Variants in DPP6 observed in about 807,000 individuals in gnomAD.
DPP6 encodes the protein dipeptidyl peptidase like 6, also known as A-type potassium channel modulatory protein DPP6.
DPP6 carries 69 observed loss-of-function variants against 122.6 expected under a neutral mutation model. The observed-to-expected ratio is 0.56, with a 90% CI of 0.46 to 0.69. The LOEUF (loss-of-function observed/expected upper bound fraction) is 0.69, where lower values mean the gene tolerates loss of function less well. Ranked by LOEUF, DPP6 falls within the 30% of genes least tolerant of loss-of-function variation. The probability of loss-of-function intolerance (pLI) is 0.00; values close to 1 mark genes in which losing one functional copy is unlikely to be tolerated. For synonymous variants in DPP6, 418 were observed against 433.1 expected (o/e 0.97, Z 0.43); for missense variants, 928 against 1,116.9 (o/e 0.83, Z 2.41).
intron 5 of DPP6, among the ~76,000 whole-genome samples, chr7:154,610,544 A>C (rs903008560): frequency 1.3e-5 from 2 of 152,178 alleles, no homozygotes; most frequent in African/African-American, 4.8e-5. Context: ...TATGTAGCTA[A>C]AAGTCTCTTT....
intron 3 of DPP6, among the ~76,000 whole-genome samples, chr7:154,528,237 C>T (rs1586548073): frequency 6.6e-6 from 1 of 152,122 alleles, no homozygotes; most frequent in East Asian, 1.9e-4. Context: ...CTTAGAACTC[C>T]CATTGAGCAT....
At chr7:154,512,957 T>A (rs994995) in intron 3 of DPP6, among the ~76,000 whole-genome samples, 143,746 of 152,260 alleles carry the variant, frequency 0.94, 67,945 homozygotes, top group East Asian at 1. Context: ...AAAAACCATC[T>A]TCAATTTTGT....
chr7:154,308,415 G>A (rs1324521253), intron 1 of DPP6, among the ~76,000 whole-genome samples: 1 of 152,178 alleles, frequency 6.6e-6, no homozygotes, highest in Non-Finnish European at 1.5e-5. Flanking sequence ...GCTTCTGGGA[G>A]ACTATTTCTC....
At chr7:154,565,182 G>A (rs1830666357) in intron 4 of DPP6, among the ~76,000 whole-genome samples, 3 of 152,236 alleles carry the variant, frequency 2.0e-5, no homozygotes, top group South Asian at 2.1e-4. Flanking sequence ...ATAAAACAAG[G>A]TTATCTATTG....
At chr7:154,782,296 C>T (rs964010769) in intron 10 of DPP6, among the ~76,000 whole-genome samples, 1 of 152,188 alleles carries the variant, frequency 6.6e-6, no homozygotes, top group Non-Finnish European at 1.5e-5. Context: ...GTATCATGCT[C>T]TTTTTAAAAT....
At chr7:154,127,626 CACACACAGACACACACACACACACAG>C (rs1425970170) in intron 1 of DPP6, among the ~76,000 whole-genome samples, 21 of 110,216 alleles carry the variant, frequency 1.9e-4, no homozygotes, top group African/African-American at 8.8e-4. Context: ...CACACACACA[CACACACAGACACACACACACACACAG>C]ACACACACAC....
chr7:153,915,651 C>G (rs1230663241), intron 1 of DPP6, among the ~76,000 whole-genome samples: 1 of 152,134 alleles, frequency 6.6e-6, no homozygotes, highest in African/African-American at 2.4e-5. Context: ...AGCAGTGGCC[C>G]CTACCACTGG....
rs961176531 is a variant in DPP6, at chr7:154,875,381, G to A, written c.1884-525G>A. On this transcript the variant is annotated intron_variant, in intron 19 of 25. Coordinates refer to ENST00000377770, the MANE Select transcript of DPP6 (RefSeq NM_130797.4). The surrounding 1 kb of genome is among the most constrained non-coding windows in gnomAD (Gnocchi z 4.5). ...CAGAGCCAATGGCTCCTTGACTCCC[G>A]AGCAGAGGGAGGGAGAAAGGCCACC... 6.6e-6 allele frequency among the ~76,000 whole-genome samples: 1 copy of A among 152,164 alleles called. No individual in the cohort carries two copies. Among genetic ancestry groups the A allele is most frequent in the Admixed American group, 6.5e-5 (1 of 15,278 alleles).
chr7:154,425,619 T>G (rs867427002), intron 1 of DPP6, among the ~76,000 whole-genome samples: 1 of 103,142 alleles, frequency 9.7e-6, no homozygotes, highest in East Asian at 2.6e-4. Context: ...TGTGTGTGTG[T>G]GGGTGTGTGT....
chr7:154,201,392 G>T (rs1299897908), intron 1 of DPP6, among the ~76,000 whole-genome samples: 1 of 152,188 alleles, frequency 6.6e-6, no homozygotes, highest in East Asian at 1.9e-4. Context: ...GCCTCCCAAA[G>T]TGCTGGGATT....
At chr7:154,734,349 A>G (rs765800807) in intron 8 of DPP6, among the ~76,000 whole-genome samples, 1 of 152,150 alleles carries the variant, frequency 6.6e-6, no homozygotes, top group Non-Finnish European at 1.5e-5. Context: ...AGCCCCCTGG[A>G]GTGTAGATTC....
At chr7:154,748,366 G>C (rs113187588) in intron 8 of DPP6, among the ~76,000 whole-genome samples, 1 of 152,178 alleles carries the variant, frequency 6.6e-6, no homozygotes, top group Non-Finnish European at 1.5e-5. Flanking sequence ...AGCTCAGATC[G>C]GGGGTCTCCG....
rs183312560 is a variant in DPP6 at position 153,904,056 on chromosome 7, T to C, written c.51+16322T>C. On this transcript the variant is annotated intron_variant, in intron 1 of 25. Transcript: ENST00000404039. ...ATCTAAGATGAGGTTTTTGTTGTTG[T>C]TGTTGTCATTTTTGAGATGGACTCT... Among the ~76,000 whole-genome samples, 3 of 152,228 alleles carry C rather than the reference T, an allele frequency of 2.0e-5. No homozygotes were observed. In the East Asian group the frequency reaches 5.8e-4, roughly 29 times the overall value.
At chr7:153,782,745 TGTGA>T in the DPP6 span, among the ~76,000 whole-genome samples, 1 of 152,182 alleles carries the variant, frequency 6.6e-6, no homozygotes, top group East Asian at 1.9e-4. Context: ...CCATTAGTGG[TGTGA>T]GTGTTTTCTC....
At chr7:154,076,453 AAATAAAT>A (rs1023407647) in intron 1 of DPP6, among the ~76,000 whole-genome samples, 3 of 151,460 alleles carry the variant, frequency 2.0e-5, no homozygotes, top group Non-Finnish European at 4.4e-5. Context: ...TCCATAACAA[AAATAAAT>A]AATAAATTTT....
At chr7:154,735,678 T>G (rs913394871) in intron 8 of DPP6, among the ~76,000 whole-genome samples, 1 of 152,342 alleles carries the variant, frequency 6.6e-6, no homozygotes, top group Admixed American at 6.5e-5. Context: ...AGAAGCTGTT[T>G]GGTAGAAGTT....
chr7:154,823,209 A>G (rs1799918321), intron 16 of DPP6, among the ~76,000 whole-genome samples: 1 of 152,334 alleles, frequency 6.6e-6, no homozygotes, highest in Non-Finnish European at 1.5e-5. Context: ...AACTGTGAAC[A>G]CTGATTTAAT....
intron 8 of DPP6, among the ~76,000 whole-genome samples, chr7:154,741,477 T>G (rs1380256020): frequency 1.3e-5 from 2 of 152,240 alleles, no homozygotes; most frequent in East Asian, 3.8e-4. Context: ...AGAGAGCACC[T>G]TTCAGCTCTT....
Position 154,794,002 on chromosome 7 carries a change from G to GC in DPP6, c.1137-76dup, listed in dbSNP as rs986131391. 213 of 1,552,064 alleles carry GC rather than the reference G, an allele frequency of 1.4e-4. 3 individuals are homozygous for GC. The African/African-American group carries it at 2.7e-3, about 19-fold the overall frequency. ...CCCCGGCTCCCGTGTCGTGTCCAGGGCTGGGGTCGGCGGTCCCCTGGCTTC... is the reference window on the plus strand; with the variant it reads ...CCCCGGCTCCCGTGTCGTGTCCAGGGCCTGGGGTCGGCGGTCCCCTGGCTTC... On this transcript the variant is annotated intron_variant, in intron 10 of 25. Coordinates refer to ENST00000377770, the MANE Select transcript of DPP6 (RefSeq NM_130797.4).
Sources: allele counts gnomAD v4.1 joint callset (sites outside exome capture counted in the v4.1 genomes callset), GRCh38; gene constraint gnomAD v4.1.1; non-coding constraint Gnocchi (gnomAD v3.1); transcripts MANE v1.5; gene names NCBI Gene and HGNC (gene_info 2026-07-23, HGNC 2026-07-21).